Variants in CASQ1 observed in about 807,000 individuals in gnomAD.
The protein encoded by CASQ1 is calsequestrin-1.
A neutral mutation model predicts 49.5 loss-of-function variants in CASQ1; 40 were observed. The observed-to-expected ratio is 0.81, with a 90% CI of 0.63 to 1.05. CASQ1 has a LOEUF of 1.05. CASQ1 is among the 50% of genes least tolerant of loss of function. The pLI, the probability that CASQ1 is intolerant of heterozygous loss-of-function variation, is 0.00. For missense variants in CASQ1, 469 were observed against 486.9 expected, an observed-to-expected ratio of 0.96 and a Z score of 0.35; for synonymous variants, 174 against 187.2, an observed-to-expected ratio of 0.93 and a Z score of 0.58.
At position 160,192,835 on chromosome 1, in the gene CASQ1, G is replaced by A. The variant is rs534353615; in HGVS notation, c.313G>A (p.Gly105Ser). Reference sequence around the variant, plus strand: ...CCAAGTCCTAGAAGACAAGGGTGTTGGCTTCGGGCTGGTAGACTCTGAGAA... The same window carrying A: ...CCAAGTCCTAGAAGACAAGGGTGTTAGCTTCGGGCTGGTAGACTCTGAGAA... Reference protein sequence around the residue: ...AAQVLEDKGVGFGLVDSEKDA... With the variant: ...AAQVLEDKGVSFGLVDSEKDA... The change falls in exon 2 of 11, where the codon GGC (glycine) becomes AGC (serine). Residue 105 changes from glycine to serine, a missense_variant. Gly to Ser is a moderately conservative substitution (Grantham distance 56). Transcript: ENST00000368078. 5.0e-5 allele frequency: 81 copies of A among 1,614,036 alleles called. No individual in the cohort carries two copies. In the South Asian group the frequency reaches 8.6e-4, roughly 17 times the overall value.
At chr1:160,199,790 C>A in intron 9 of CASQ1, 61 bp from the exon 10 acceptor site, 1 of 1,158,044 alleles carries the variant, frequency 8.6e-7, no homozygotes, top group Non-Finnish European at 1.3e-6. Flanking sequence ...TCACACTCAT[C>A]CTCCTGGATT....
chr1:160,197,707 C>G, intron 7 of CASQ1, 93 bp downstream of exon 7: 1 of 889,846 alleles, frequency 1.1e-6, no homozygotes, highest in South Asian at 1.3e-5. Context: ...GCTCCTCAGG[C>G]CCATTTTTAG....
At chr1:160,191,093 T>C in intron 1 of CASQ1, 63 bp downstream of exon 1, 1 of 1,542,780 alleles carries the variant, frequency 6.5e-7, no homozygotes, top group Non-Finnish European at 8.8e-7. Context: ...TCCCCTATCC[T>C]ACACCCATGT....
At chr1:160,197,546 G>T in intron 6 of CASQ1, 23 bp from the exon 7 acceptor site, 1 of 1,590,668 alleles carries the variant, frequency 6.3e-7, no homozygotes, top group South Asian at 1.1e-5. Flanking sequence ...ACTGAGTAAT[G>T]ACACTCTGTC....
At chr1:160,196,477 CTTTT>C (rs112705179) in intron 6 of CASQ1, among the ~76,000 whole-genome samples, 2 of 144,358 alleles carry the variant, frequency 1.4e-5, no homozygotes, top group South Asian at 4.4e-4. Context: ...TCTTCTTCTT[CTTTT>C]TTTTTTTTTC....
rs1654306069 is a variant in CASQ1, at chr1:160,198,954, T to C, written c.885T>C (p.Asp295=). 1 of 1,597,838 alleles carries C rather than the reference T, an allele frequency of 6.3e-7. No individual in the cohort carries two copies. Among genetic ancestry groups the C allele is most frequent in the African/African-American group, 1.3e-5 (1 of 74,568 alleles). ...CCTTGTACTTGTGTTCCCTCCAAGATGGTTTCGAGTTCTTAGAGACTCTCA... is the reference window on the plus strand; with the variant it reads ...CCTTGTACTTGTGTTCCCTCCAAGACGGTTTCGAGTTCTTAGAGACTCTCA... ...IVAFAEEADP[D]GFEFLETLKA... The change falls in exon 9 of 11, where the codon GAT becomes GAC. Residue 295 remains aspartate (D), a splice_region_variant and synonymous_variant. Transcript: ENST00000368078.
In CASQ1 at chr1:160,195,541, C is replaced by T. The variant is rs527652248; in HGVS notation, c.651+7C>T. On this transcript the variant is annotated splice_region_variant and intron_variant, in intron 5 of 10. Coordinates refer to ENST00000368078, the MANE Select transcript of CASQ1 (RefSeq NM_001231.5). ...CGCCACCTTCGACAGCAAGGTTCTCCTCCCCGCAGCTGTATTGGTTCTGCC... is the reference window on the plus strand; with the variant it reads ...CGCCACCTTCGACAGCAAGGTTCTCTTCCCCGCAGCTGTATTGGTTCTGCC... 2.5e-6 allele frequency: 4 copies of T among 1,612,132 alleles called. No homozygotes were observed. The South Asian group carries it at 4.4e-5, about 18-fold the overall frequency.
At chr1:160,191,838 T>TA (rs1557813444) in intron 1 of CASQ1, among the ~76,000 whole-genome samples, 3 of 152,102 alleles carry the variant, frequency 2.0e-5, no homozygotes, top group Non-Finnish European at 4.4e-5. Flanking sequence ...GCCCCTTCTC[T>TA]GGCCTCAGCT....
At chr1:160,195,381 G>T in intron 4 of CASQ1, 80 bp from the exon 5 acceptor site, 1 of 1,345,996 alleles carries the variant, frequency 7.4e-7, no homozygotes, top group South Asian at 1.2e-5. Context: ...TGCCTGCAAA[G>T]AATTGGGGAC....
Position 160,201,679 on chromosome 1 carries a change from C to T in CASQ1, c.*303C>T. 4.6e-6 allele frequency: 2 copies of T among 434,098 alleles called. No individual in the cohort carries two copies. The highest frequency in any genetic ancestry group is 4.3e-6 in the Non-Finnish European group (1 of 233,772). 26.9% of individuals were successfully genotyped at this position (434,098 alleles called of 1,614,324 possible). A position where few individuals can be genotyped will look rare whatever the true frequency, so the allele number is the denominator to read the frequency against. ...ACTCTTTCTTGTGATTCTCCTCTAG[C>T]CATATATATGGGCCCCATCTCTGTT... On this transcript the variant is annotated 3_prime_UTR_variant, in exon 11 of 11. Coordinates refer to ENST00000368078, the MANE Select transcript of CASQ1 (RefSeq NM_001231.5).
Position 160,190,875 on chromosome 1 carries a change from G to A in CASQ1, c.124G>A (p.Glu42Lys), listed in dbSNP as rs746909396. 6.2e-7 allele frequency: 1 copy of A among 1,614,230 alleles called. No individual in the cohort carries two copies. The highest frequency in any genetic ancestry group is 2.2e-5 in the East Asian group (1 of 44,888). Residue 42 changes from glutamate (E) to lysine (K), a missense_variant, in exon 1 of 11, where the codon GAG becomes AAG. Physicochemically the swap from Glu to Lys is moderately conservative, Grantham distance 56. Coordinates refer to ENST00000368078, the MANE Select transcript of CASQ1 (RefSeq NM_001231.5). ...VQGQEGLDFPEYDGVDRVINV... is the reference protein window; with the variant it reads ...VQGQEGLDFPKYDGVDRVINV... ...GGGGCAGGAAGGGCTGGACTTCCCTGAGTACGATGGTGTGGACCGTGTGAT... is the reference window on the plus strand; with the variant it reads ...GGGGCAGGAAGGGCTGGACTTCCCTAAGTACGATGGTGTGGACCGTGTGAT...
At chr1:160,195,874 C>G (rs373022417) in intron 5 of CASQ1, 23 bp from the exon 6 acceptor site, 132 of 1,611,670 alleles carry the variant, frequency 8.2e-5, no homozygotes, top group Non-Finnish European at 1.1e-4. Flanking sequence ...TGCTCCACTC[C>G]CCTCCTACCC....
chr1:160,190,717 G>A lies in CASQ1; in HGVS notation c.-35G>A. On this transcript the variant is annotated 5_prime_UTR_variant, in exon 1 of 11. Coordinates refer to ENST00000368078, the MANE Select transcript of CASQ1 (RefSeq NM_001231.5). The stretch of plus-strand genomic sequence containing the variant: ...CTCCCTACCCCAGCTAACCTCTTCT[G>A]GACCAGGAGAGCCAACCCAGATCCC... The A allele has an allele frequency of 6.2e-7, 1 of 1,601,288 alleles. No individual in the cohort carries two copies.
intron 5 of CASQ1, 27 bp downstream of exon 5, chr1:160,195,561 T>A (rs768106358): frequency 2.5e-5 from 40 of 1,603,700 alleles, no homozygotes; most frequent in Non-Finnish European, 3.3e-5. Flanking sequence ...CTGTATTGGT[T>A]CTGCCTCATG....
chr1:160,193,508 T>G (rs578087877), intron 2 of CASQ1, among the ~76,000 whole-genome samples: 3 of 152,180 alleles, frequency 2.0e-5, no homozygotes, highest in Admixed American at 1.3e-4. Context: ...ATCCCCCAGC[T>G]ACTCCCTAGA....
chr1:160,190,584 G>A lies in CASQ1; in HGVS notation c.-168G>A, dbSNP rs542044485. On this transcript the variant is annotated 5_prime_UTR_variant, in exon 1 of 11. Coordinates refer to ENST00000368078, the MANE Select transcript of CASQ1 (RefSeq NM_001231.5). ...TGACCCTTTTTCCCTTGGCTCTGTC[G>A]GCAGTTTCTCCAGGACCCAGCAGTG... is the stretch of plus-strand genomic sequence containing the variant. The A allele has an allele frequency of 1.5e-4, 93 of 623,060 alleles. 4 individuals are homozygous for A. The highest frequency in any genetic ancestry group is 1.1e-3 in the South Asian group (51 of 45,126). 38.6% of individuals were successfully genotyped at this position (623,060 alleles called of 1,614,324 possible).
Position 160,195,654 on chromosome 1 carries a change from C to CCG in CASQ1, c.651+121_651+122insGC, listed in dbSNP as rs1553192592. Reference sequence around the variant, plus strand: ...CTACGTGCTGGCACTCCCTACCTGCCCCCCCCCCCGGCTCCTCCCACTCCA... The same window carrying CCG: ...CTACGTGCTGGCACTCCCTACCTGCCCGCCCCCCCCCGGCTCCTCCCACTCCA... On this transcript the variant is annotated intron_variant, in intron 5 of 10. Coordinates refer to ENST00000368078, the MANE Select transcript of CASQ1 (RefSeq NM_001231.5). 20 of 845,622 alleles carry CCG rather than the reference C, an allele frequency of 2.4e-5. 1 individual carries two copies. The highest frequency in any genetic ancestry group is 2.0e-4 in the African/African-American group (11 of 54,884). 52.4% of individuals were successfully genotyped at this position (845,622 alleles called of 1,614,324 possible).
chr1:160,193,729 G>C lies in CASQ1; in HGVS notation c.365-18G>C. On this transcript the variant is annotated intron_variant, in intron 2 of 10. Coordinates refer to ENST00000368078, the MANE Select transcript of CASQ1 (RefSeq NM_001231.5). ...TCATGGCTCACTACCCCACCCCTGC[G>C]CCCGGCTCACTCCCTAGGCCTAACT... The C allele has an allele frequency of 6.9e-7, 1 of 1,443,066 alleles. No homozygotes were observed. The highest frequency in any genetic ancestry group is 9.7e-7 in the Non-Finnish European group (1 of 1,033,704). 89.4% of individuals were successfully genotyped at this position (1,443,066 alleles called of 1,614,324 possible).
chr1:160,198,716 G>A lies in CASQ1; in HGVS notation c.868G>A (p.Glu290Lys). 1.9e-6 allele frequency: 3 copies of A among 1,613,866 alleles called. No homozygotes were observed. The highest frequency in any genetic ancestry group is 2.5e-6 in the Non-Finnish European group (3 of 1,179,752). Reference sequence around the variant, plus strand: ...TGGAATCCACATTGTGGCCTTCGCAGAGGAAGCTGATCCTGGTGAGGGAGG... The same window carrying A: ...TGGAATCCACATTGTGGCCTTCGCAAAGGAAGCTGATCCTGGTGAGGGAGG... ...MDGIHIVAFA[E>K]EADPDGFEFL... The change falls in exon 8 of 11, where the codon GAG becomes AAG. Residue 290 changes from glutamate to lysine, a missense_variant. By Grantham distance (56) the Glu-to-Lys change is moderately conservative (BLOSUM62 1). Coordinates refer to ENST00000368078, the MANE Select transcript of CASQ1 (RefSeq NM_001231.5).
Sources: gnomAD v4.1 joint callset for allele counts (sites outside exome capture counted in the v4.1 genomes callset) on GRCh38, gnomAD v4.1.1 for gene constraint, MANE v1.5 for transcripts, NCBI Gene and HGNC (gene_info 2026-07-23, HGNC 2026-07-21) for gene names.